The following SART3 variants were observed in gnomAD, a reference collection of about 807,000 sequenced individuals.
The protein encoded by SART3 is spliceosome associated factor 3, U4/U6 recycling protein.
In SART3, 44 loss-of-function variants were observed where a neutral mutation model predicts 122.3. The observed-to-expected ratio is 0.36, with a 90% CI of 0.28 to 0.46. The LOEUF is 0.46. SART3 is among the 20% of genes least tolerant of loss of function. The pLI is 1.00. For synonymous variants in SART3, 442 were observed against 454.0 expected, an observed-to-expected ratio of 0.97 and a Z score of 0.34; for missense variants, 1,101 against 1,229.0, an observed-to-expected ratio of 0.90 and a Z score of 1.56.
intron 15 of SART3, among the ~76,000 whole-genome samples, chr12:108,527,429 G>A (rs1428254740): frequency 1.3e-5 from 2 of 152,158 alleles, no homozygotes; most frequent in Non-Finnish European, 2.9e-5. Flanking sequence ...CCTGGATGCC[G>A]CATCTCTTCC....
rs564373689 is a variant in SART3 at position 108,534,754 on chromosome 12, T to C, written c.1556+605A>G. Among the ~76,000 whole-genome samples the C allele has an allele frequency of 1.9e-3, 287 of 152,332 alleles. 2 individuals carry two copies. Among genetic ancestry groups the C allele is most frequent in the Non-Finnish European group, 1.7e-3 (116 of 68,028 alleles). On this transcript the variant is annotated intron_variant, in intron 12 of 18. Coordinates refer to ENST00000546815, the MANE Select transcript of SART3 (RefSeq NM_014706.4). ...TTCTAATTTGGGCACACAGTGTTTT[T>C]TAAATAGGGAAAAAATCTTCAAAAA...
At chr12:108,527,177 C>T (rs1208849908) in intron 15 of SART3, among the ~76,000 whole-genome samples, 1 of 152,230 alleles carries the variant, frequency 6.6e-6, no homozygotes, top group Non-Finnish European at 1.5e-5. Context: ...AACGTAAGCC[C>T]TGCACACTGC....
chr12:108,559,168 A>G (rs2030363432), intron 1 of SART3, among the ~76,000 whole-genome samples: 1 of 152,234 alleles, frequency 6.6e-6, no homozygotes. Context: ...CATAACAAAA[A>G]TATCAGTGCC....
Position 108,556,143 on chromosome 12 carries a change from G to T in SART3, c.312+4700C>A, listed in dbSNP as rs940205117. ...CAGGGTCTCACTCTTACCCAGGCTG[G>T]AGTGCCGTGGCAGTCACAAATCACT... On this transcript the variant is annotated intron_variant, in intron 1 of 18. Coordinates refer to ENST00000546815, the MANE Select transcript of SART3 (RefSeq NM_014706.4). 4.6e-5 allele frequency among the ~76,000 whole-genome samples: 7 copies of T among 151,850 alleles called. No homozygotes were observed. In the South Asian group the frequency reaches 1.0e-3, roughly 23 times the overall value.
Position 108,547,980 on chromosome 12 carries a change from C to A in SART3, c.451G>T (p.Glu151Ter). Residue 151 changes from glutamate (E) to a stop codon, truncating the protein, a stop_gained, in exon 3 of 19, where the codon GAG (glutamate) becomes TAG (stop). Coordinates refer to ENST00000546815, the MANE Select transcript of SART3 (RefSeq NM_014706.4). LOFTEE classifies it high-confidence loss of function. ...IFPLTEELWL[E>*]WLHDEISMAQ... is the part of the protein sequence containing the mutation. The stretch of plus-strand genomic sequence containing the variant: ...ATGCTGATCTCGTCATGCAGCCACT[C>A]CAGCCAGAGCTCTACGAGACAAAAA... 1 of 1,613,194 alleles carries A rather than the reference C, an allele frequency of 6.2e-7. No individual in the cohort carries two copies. The highest frequency in any genetic ancestry group is 8.5e-7 in the Non-Finnish European group (1 of 1,179,964).
intron 5 of SART3, 91 bp from the exon 6 acceptor site, chr12:108,543,243 G>A (rs922108044): frequency 1.4e-6 from 2 of 1,467,548 alleles, no homozygotes; most frequent in Non-Finnish European, 1.9e-6. Context: ...GGTGCCACTA[G>A]CCCCTCCCAC....
In SART3 at chr12:108,525,543, T is replaced by C. The variant is rs1197175183; in HGVS notation, c.2437A>G (p.Thr813Ala). ...LFISGLPFSC[T>A]KEELEEICKA... ...CAGATTTCTTCTAGTTCCTCTTTAG[T>C]ACAGGAGAAAGGCAGGCCTGAGATG... Residue 813 changes from threonine to alanine, a missense_variant, in exon 17 of 19, where the codon ACT (threonine) becomes GCT (alanine). Around this residue, in one of 2 missense-constraint regions of SART3, gnomAD observed 885 missense variants for 1,080.1 expected, o/e 0.82. Coordinates refer to ENST00000546815, the MANE Select transcript of SART3 (RefSeq NM_014706.4). The C allele has an allele frequency of 1.2e-6, 2 of 1,614,042 alleles. No homozygotes were observed. Among genetic ancestry groups the C allele is most frequent in the East Asian group, 4.5e-5 (2 of 44,904 alleles).
At chr12:108,540,300 T>C (rs1873099985) in intron 6 of SART3, among the ~76,000 whole-genome samples, 1 of 152,228 alleles carries the variant, frequency 6.6e-6, no homozygotes, top group African/African-American at 2.4e-5. Context: ...TAGAATTCTT[T>C]TGCTGTTGTC....
At chr12:108,544,338 G>C in intron 5 of SART3, 89 bp downstream of exon 5, 3 of 1,123,492 alleles carry the variant, frequency 2.7e-6, no homozygotes, top group Non-Finnish European at 4.1e-6. Context: ...TGCCTCACAG[G>C]ATGGTGGGAA....
intron 3 of SART3, among the ~76,000 whole-genome samples, chr12:108,547,377 C>CT (rs1170442119): frequency 1.3e-5 from 2 of 151,930 alleles, no homozygotes; most frequent in Non-Finnish European, 2.9e-5. Context: ...AATAAAATGT[C>CT]TTTTTTTTCC....
rs1872925874 is a variant in SART3 at position 108,536,773 on chromosome 12, T to C, written c.1322A>G (p.Glu441Gly). Reference sequence around the variant, plus strand: ...AAAGGCGGCCCTCAACTCCTCCAGCTCTTTACTGGAGTCTAACGGAAAGTG... The same window carrying C: ...AAAGGCGGCCCTCAACTCCTCCAGCCCTTTACTGGAGTCTAACGGAAAGTG... The part of the protein sequence containing the change: ...RVDFKQDSSK[E>G]LEELRAAFTR... The change falls in exon 10 of 19, where the codon GAG (glutamate) becomes GGG (glycine). Residue 441 changes from glutamate to glycine, a missense_variant. By Grantham distance (98) the Glu-to-Gly change is moderately conservative. This residue lies in a region of SART3 where 885 missense variants were observed against 1,080.1 expected (regional missense o/e 0.82). Coordinates refer to ENST00000546815, the MANE Select transcript of SART3 (RefSeq NM_014706.4). 2.5e-6 allele frequency: 4 copies of C among 1,613,736 alleles called. No homozygotes were observed. The highest frequency in any genetic ancestry group is 2.5e-6 in the Non-Finnish European group (3 of 1,179,760).
At chr12:108,538,870 C>A in intron 7 of SART3, 64 bp downstream of exon 7, 1 of 1,603,774 alleles carries the variant, frequency 6.2e-7, no homozygotes, top group South Asian at 1.1e-5. Context: ...TCCTGGCACT[C>A]TTACTGATTT....
At chr12:108,527,675 T>C (rs1401113416) in intron 15 of SART3, among the ~76,000 whole-genome samples, 39 of 152,274 alleles carry the variant, frequency 2.6e-4, no homozygotes, top group Admixed American at 2.6e-3. Context: ...AACTCAACGA[T>C]GGATGACTCC....
At position 108,526,476 on chromosome 12, in the gene SART3, C is replaced by T. The variant is rs200441297; in HGVS notation, c.1993G>A (p.Gly665Arg). ...GETQNVEVAA[G>R]PAGKCAAVDV... The stretch of plus-strand genomic sequence containing the variant: ...ACGGCAGCACATTTCCCAGCGGGCC[C>T]TGCTGCTACTTCTACATTTTGTGTT... Residue 665 changes from glycine (G) to arginine (R), a missense_variant, in exon 16 of 19, where the codon GGG becomes AGG. Transcript: ENST00000546815. The T allele has an allele frequency of 1.2e-6, 2 of 1,614,214 alleles. No individual in the cohort carries two copies. The highest frequency in any genetic ancestry group is 8.5e-7 in the Non-Finnish European group (1 of 1,180,048).
At chr12:108,543,489 A>C (rs1431192855) in intron 5 of SART3, among the ~76,000 whole-genome samples, 1 of 152,146 alleles carries the variant, frequency 6.6e-6, no homozygotes, top group African/African-American at 2.4e-5. Context: ...TGTGATCCTC[A>C]TTTTGCAGTT....
Position 108,538,960 on chromosome 12 carries a change from A to C in SART3, c.1036T>G (p.Leu346Val). ...ALVENCLVPDLWIRYSQYLDR... is the reference protein window; with the variant it reads ...ALVENCLVPDVWIRYSQYLDR... ...AGGTACTGACTGTAACGGATCCATA[A>C]GTCTGGGACAAGGCAGTTCTCGACC... is the stretch of plus-strand genomic sequence containing the variant. The change falls in exon 7 of 19, where the codon TTA becomes GTA. Residue 346 changes from leucine to valine, a missense_variant. Leu to Val is a conservative substitution (Grantham distance 32). Coordinates refer to ENST00000546815, the MANE Select transcript of SART3 (RefSeq NM_014706.4). 6.2e-7 allele frequency: 1 copy of C among 1,614,226 alleles called. No homozygotes were observed. Among genetic ancestry groups the C allele is most frequent in the Non-Finnish European group, 8.5e-7 (1 of 1,180,032 alleles).
intron 13 of SART3, 90 bp downstream of exon 13, chr12:108,532,132 T>G: frequency 9.0e-7 from 1 of 1,115,060 alleles, no homozygotes; most frequent in Non-Finnish European, 1.4e-6. Context: ...ATAAACACAG[T>G]CTGTCCCCAG....
At chr12:108,536,229 AAGAGGC>A (rs1410479884) in intron 11 of SART3, among the ~76,000 whole-genome samples, 1 of 152,266 alleles carries the variant, frequency 6.6e-6, no homozygotes, top group East Asian at 1.9e-4. Flanking sequence ...AAATGAAGCA[AAGAGGC>A]AGAGACAGAA....
rs114192304 is a variant in SART3, at chr12:108,530,188, G to A, written c.1869C>T (p.Arg623=). The A allele has an allele frequency of 7.2e-5, 117 of 1,614,040 alleles. No individual in the cohort carries two copies. The highest frequency in any genetic ancestry group is 4.9e-4 in the Middle Eastern group (3 of 6,062). The change falls in exon 15 of 19, where the codon CGC becomes CGT. Residue 623 remains arginine, a synonymous_variant. Transcript: ENST00000546815. ...KKKKIRGPEK[R]GADEDDEKEW... ...CTTTCTCATCATCCTCATCTGCTCC[G>A]CGCTTCTCTGGGCCTCTGATCTTTT...
Sources: gnomAD v4.1 joint callset for allele counts (sites outside exome capture counted in the v4.1 genomes callset) on GRCh38, gnomAD v4.1.1 for gene constraint, gnomAD v4.1.1 regional missense constraint, MANE v1.5 for transcripts, NCBI Gene and HGNC (gene_info 2026-07-23, HGNC 2026-07-21) for gene names.